The following GOLGA2 variants were observed in gnomAD, a reference collection of about 807,000 sequenced individuals.
GOLGA2 encodes the protein golgin subfamily A member 2.
A neutral mutation model predicts 148.8 loss-of-function variants in GOLGA2; 49 were observed. The ratio of observed to expected loss-of-function variants is 0.33; its 90% CI spans 0.26 to 0.42. The LOEUF is 0.42. GOLGA2 is among the 10% of genes least tolerant of loss of function. GOLGA2 has a pLI of 1.00. For synonymous variants in GOLGA2, 501 were observed against 511.8 expected (o/e 0.98, Z 0.28); for missense variants, 1,178 against 1,304.6 (o/e 0.90, Z 1.49).
At chr9:128,272,964 C>A in intron 2 of GOLGA2, 99 bp from the exon 3 acceptor site, 1 of 397,068 alleles carries the variant, frequency 2.5e-6, no homozygotes, top group East Asian at 8.0e-5. Flanking sequence ...GATGTGGGTT[C>A]AGGGAAATGA....
Position 128,256,386 on chromosome 9 carries a change from C to G in GOLGA2, c.*681G>C, listed in dbSNP as rs1454695494. On this transcript the variant is annotated 3_prime_UTR_variant, in exon 27 of 27. Transcript: ENST00000611957. The stretch of plus-strand genomic sequence containing the variant: ...TGCTACTGTAAGAGTAAAGGGATGA[C>G]TGGGAAGGGGTGGCAGGCACATGAT... 6.6e-6 allele frequency: 1 copy of G among 152,460 alleles called. No individual in the cohort carries two copies. Among genetic ancestry groups the G allele is most frequent in the Non-Finnish European group, 1.5e-5 (1 of 68,156 alleles). The allele number at this position is 152,460 out of a possible 1,614,324, so 9.4% of individuals were successfully genotyped here. A position where few individuals can be genotyped will look rare whatever the true frequency, so the allele number is the denominator to read the frequency against.
At chr9:128,273,654 T>C (rs1339529527) in intron 2 of GOLGA2, 196 bp downstream of exon 2, 2 of 611,806 alleles carry the variant, frequency 3.3e-6, no homozygotes, top group Non-Finnish European at 5.7e-6. Flanking sequence ...AGTAAAACAA[T>C]ACTTTATAGT....
In GOLGA2 at chr9:128,263,111, T is replaced by TA; in HGVS notation, c.934-20dup. On this transcript the variant is annotated intron_variant, in intron 12 of 26. Transcript: ENST00000611957. ...TGTTGTACTGTAAATACAGAAAGGT[T>TA]AAGTCAGGATATAGCAGGCAGAGGA... The TA allele has an allele frequency of 6.4e-7, 1 of 1,562,380 alleles. No homozygotes were observed. The highest frequency in any genetic ancestry group is 8.8e-7 in the Non-Finnish European group (1 of 1,133,588).
Position 128,261,389 on chromosome 9 carries a change from C to T in GOLGA2, c.1332+65G>A, listed in dbSNP as rs1391607303. 3.2e-6 allele frequency: 4 copies of T among 1,233,606 alleles called. No individual in the cohort carries two copies. The highest frequency in any genetic ancestry group is 4.8e-6 in the Non-Finnish European group (4 of 833,156). 76.4% of individuals were successfully genotyped at this position (1,233,606 alleles called of 1,614,324 possible). A position where few individuals can be genotyped will look rare whatever the true frequency, so the allele number is the denominator to read the frequency against. On this transcript the variant is annotated intron_variant, in intron 16 of 26. Coordinates refer to ENST00000611957, the MANE Select transcript of GOLGA2 (RefSeq NM_001366244.2). This position sits in a 1 kb window ranked among gnomAD's most constrained non-coding sequence, Gnocchi z 5.7. ...CTCTGGCTGTGCTCCTCCCATTTCG[C>T]AGATGCCCAGAAAGATCAAGTGACC... is the stretch of plus-strand genomic sequence containing the variant.
intron 13 of GOLGA2, 23 bp downstream of exon 13, chr9:128,263,011 C>T (rs1830368285): frequency 1.9e-6 from 3 of 1,566,102 alleles, no homozygotes; most frequent in Non-Finnish European, 2.6e-6. Flanking sequence ...CCAGACCTCC[C>T]ATCCCACCAT....
rs1179790399 is a variant in GOLGA2 at position 128,256,395 on chromosome 9, G to C, written c.*672C>G. ...AAGAGTAAAGGGATGACTGGGAAGG[G>C]GTGGCAGGCACATGATGGGGGCGGA... On this transcript the variant is annotated 3_prime_UTR_variant, in exon 27 of 27. Coordinates refer to ENST00000611957, the MANE Select transcript of GOLGA2 (RefSeq NM_001366244.2). 6.6e-6 allele frequency: 1 copy of C among 152,452 alleles called. No individual in the cohort carries two copies. Among genetic ancestry groups the C allele is most frequent in the Non-Finnish European group, 1.5e-5 (1 of 68,158 alleles). The allele number at this position is 152,452 out of a possible 1,614,324, so 9.4% of individuals were successfully genotyped here.
chr9:128,266,669 G>A lies in GOLGA2; in HGVS notation c.643-344C>T. ...AACAAACATTTGCTGAGCACACACA[G>A]GCCAGGTACGGTTCTTAATAGCAGG... On this transcript the variant is annotated intron_variant, in intron 8 of 26. Transcript: ENST00000611957. The surrounding 1 kb of genome is among the most constrained non-coding windows in gnomAD (Gnocchi z 4.2). 2 of 437,862 alleles carry A rather than the reference G, an allele frequency of 4.6e-6. No homozygotes were observed. Among genetic ancestry groups the A allele is most frequent in the South Asian group, 5.0e-5 (2 of 39,710 alleles). The allele number at this position is 437,862 out of a possible 1,614,324, so 27.1% of individuals were successfully genotyped here.
At chr9:128,267,837 G>T in intron 6 of GOLGA2, 97 bp downstream of exon 6, 1 of 988,970 alleles carries the variant, frequency 1.0e-6, no homozygotes, top group Non-Finnish European at 1.6e-6. Flanking sequence ...ACATTGGCTG[G>T]TCCCAGGATC....
Position 128,265,644 on chromosome 9 carries a change from C to T in GOLGA2, c.874G>A (p.Val292Met), listed in dbSNP as rs2131363375. The change falls in exon 12 of 27, where the codon GTG becomes ATG. Residue 292 changes from valine to methionine, a missense_variant. Around this residue, in one of 5 missense-constraint regions of GOLGA2, gnomAD observed 304 missense variants for 404.1 expected, o/e 0.75. Coordinates refer to ENST00000611957, the MANE Select transcript of GOLGA2 (RefSeq NM_001366244.2). Reference protein sequence around the residue: ...ASRLQYSRRRVGELERALSAV... With the variant: ...ASRLQYSRRRMGELERALSAV... The stretch of plus-strand genomic sequence containing the variant: ...GAGAGAGCCCGCTCCAACTCTCCCA[C>T]ACGCCGCCGGGAATACTGCAGGCGG... 6.2e-7 allele frequency: 1 copy of T among 1,613,962 alleles called. No homozygotes were observed. Among genetic ancestry groups the T allele is most frequent in the East Asian group, 2.2e-5 (1 of 44,886 alleles).
rs1457896851 is a variant in GOLGA2 at position 128,256,159 on chromosome 9, A to T, written c.*908T>A. ...TCCTGCCTCAGCTGCCTCTCTGTGT[A>T]AGAAGATGGGAGCCCCCCTGAGGGA... On this transcript the variant is annotated 3_prime_UTR_variant, in exon 27 of 27. Coordinates refer to ENST00000611957, the MANE Select transcript of GOLGA2 (RefSeq NM_001366244.2). 6.6e-6 allele frequency: 1 copy of T among 152,646 alleles called. No individual in the cohort carries two copies. The highest frequency in any genetic ancestry group is 6.5e-5 in the Admixed American group (1 of 15,282). 9.5% of individuals were successfully genotyped at this position (152,646 alleles called of 1,614,324 possible). A position where few individuals can be genotyped will look rare whatever the true frequency, so the allele number is the denominator to read the frequency against.
Position 128,257,303 on chromosome 9 carries a change from GCT to G in GOLGA2, c.2876-24_2876-23del. 2 of 1,612,230 alleles carry G rather than the reference GCT, an allele frequency of 1.2e-6. No individual in the cohort carries two copies. The highest frequency in any genetic ancestry group is 1.1e-5 in the South Asian group (1 of 90,990). Reference sequence around the variant, plus strand: ...AGATCTTTGGAGAGAGAGAGGCAGGGCTCTGAGTGCCACGCGAGCCCTCCCTT... The same window carrying G: ...AGATCTTTGGAGAGAGAGAGGCAGGGCTGAGTGCCACGCGAGCCCTCCCTT... On this transcript the variant is annotated intron_variant, in intron 26 of 26. Transcript: ENST00000611957. The surrounding 1 kb of genome is among the most constrained non-coding windows in gnomAD (Gnocchi z 8.0).
intron 1 of GOLGA2, 97 bp from the exon 2 acceptor site, chr9:128,274,069 T>A: frequency 8.8e-7 from 1 of 1,141,026 alleles, no homozygotes; most frequent in Non-Finnish European, 1.3e-6. Flanking sequence ...ATATACCATC[T>A]GATTTAATGC....
chr9:128,261,762 A>G lies in GOLGA2; in HGVS notation c.1135-5T>C. ...GGCTTCACACCGGCTTGAAAACTGGATGGTGAAGAGCGAGAAGTTTAGATC... is the reference window on the plus strand; with the variant it reads ...GGCTTCACACCGGCTTGAAAACTGGGTGGTGAAGAGCGAGAAGTTTAGATC... On this transcript the variant is annotated splice_region_variant and splice_polypyrimidine_tract_variant and intron_variant, in intron 14 of 26. Coordinates refer to ENST00000611957, the MANE Select transcript of GOLGA2 (RefSeq NM_001366244.2). The surrounding 1 kb of genome is among the most constrained non-coding windows in gnomAD (Gnocchi z 5.7). The G allele has an allele frequency of 1.2e-6, 2 of 1,601,466 alleles. No individual in the cohort carries two copies. The highest frequency in any genetic ancestry group is 8.6e-7 in the Non-Finnish European group (1 of 1,168,438).
rs1348034035 is a variant in GOLGA2 at position 128,266,794 on chromosome 9, T to C, written c.642+400A>G. 1 of 357,330 alleles carries C rather than the reference T, an allele frequency of 2.8e-6. No individual in the cohort carries two copies. Among genetic ancestry groups the C allele is most frequent in the Non-Finnish European group, 5.2e-6 (1 of 194,130 alleles). 22.1% of individuals were successfully genotyped at this position (357,330 alleles called of 1,614,324 possible). A position where few individuals can be genotyped will look rare whatever the true frequency, so the allele number is the denominator to read the frequency against. ...ACTCTCAGAGCTAAGAGACCTTTGATACTCTCTAACTCTACCTCCTCAGGA... is the reference window on the plus strand; with the variant it reads ...ACTCTCAGAGCTAAGAGACCTTTGACACTCTCTAACTCTACCTCCTCAGGA... On this transcript the variant is annotated intron_variant, in intron 8 of 26. Transcript: ENST00000611957. The surrounding 1 kb of genome is among the most constrained non-coding windows in gnomAD (Gnocchi z 4.2).
At position 128,261,346 on chromosome 9, in the gene GOLGA2, G is replaced by C; in HGVS notation, c.1333-87C>G. 7.9e-7 allele frequency: 1 copy of C among 1,272,964 alleles called. No homozygotes were observed. Among genetic ancestry groups the C allele is most frequent in the Non-Finnish European group, 1.1e-6 (1 of 869,762 alleles). 78.9% of individuals were successfully genotyped at this position (1,272,964 alleles called of 1,614,324 possible). A position where few individuals can be genotyped will look rare whatever the true frequency, so the allele number is the denominator to read the frequency against. ...CTCCCTCTGCCCCCACCGCCACAAA[G>C]CCCAGACCCATGACCACCTCTGGCT... On this transcript the variant is annotated intron_variant, in intron 16 of 26. Transcript: ENST00000611957. This position sits in a 1 kb window ranked among gnomAD's most constrained non-coding sequence, Gnocchi z 5.7.
At position 128,256,948 on chromosome 9, in the gene GOLGA2, C is replaced by G; in HGVS notation, c.*119G>C. On this transcript the variant is annotated 3_prime_UTR_variant, in exon 27 of 27. Transcript: ENST00000611957. ...TCTGCACCTGTCTACCCCCGTTAGA[C>G]AGGGGTCTATGCTTGCTACTGTAAG... 1.3e-6 allele frequency: 1 copy of G among 743,716 alleles called. No individual in the cohort carries two copies. The highest frequency in any genetic ancestry group is 2.3e-6 in the Non-Finnish European group (1 of 433,956). 46.1% of individuals were successfully genotyped at this position (743,716 alleles called of 1,614,324 possible). A position where few individuals can be genotyped will look rare whatever the true frequency, so the allele number is the denominator to read the frequency against.
intron 13 of GOLGA2, 33 bp downstream of exon 13, chr9:128,263,001 C>T: frequency 6.6e-7 from 1 of 1,508,762 alleles, no homozygotes; most frequent in South Asian, 1.1e-5. Flanking sequence ...CTGAGGGCCC[C>T]CAGACCTCCC....
chr9:128,257,857 G>C lies in GOLGA2; in HGVS notation c.2544C>G (p.Asp848Glu). Residue 848 changes from aspartate to glutamate, a missense_variant, in exon 24 of 27, where the codon GAC becomes GAG. By Grantham distance (45) the Asp-to-Glu change is conservative. Coordinates refer to ENST00000611957, the MANE Select transcript of GOLGA2 (RefSeq NM_001366244.2). The surrounding 1 kb of genome is among the most constrained non-coding windows in gnomAD (Gnocchi z 8.0). ...CCAGTTCCTCTACCCTCTCCTTCAG[G>C]TCTGCCTTCTCCTGCATGAGCTCCA... is the stretch of plus-strand genomic sequence containing the variant. ...RFMELMQEKA[D>E]LKERVEELEH... 5.6e-6 allele frequency: 9 copies of C among 1,613,984 alleles called. No homozygotes were observed. Among genetic ancestry groups the C allele is most frequent in the Non-Finnish European group, 7.6e-6 (9 of 1,179,990 alleles).
intron 2 of GOLGA2, 150 bp downstream of exon 2, chr9:128,273,700 G>C: frequency 2.1e-6 from 2 of 948,404 alleles, no homozygotes; most frequent in Non-Finnish European, 3.2e-6. Context: ...CAAGCAATTT[G>C]CCCTAAATCA....
Sources: allele counts gnomAD v4.1 joint callset, GRCh38; gene constraint gnomAD v4.1.1; regional missense constraint gnomAD v4.1.1; non-coding constraint Gnocchi (gnomAD v3.1); transcripts MANE v1.5; gene names NCBI Gene and HGNC (gene_info 2026-07-23, HGNC 2026-07-21).